Variants in ERMARD observed in about 807,000 individuals in gnomAD.
ERMARD encodes ER membrane associated RNA degradation.
A neutral mutation model predicts 83.9 loss-of-function variants in ERMARD; 71 were observed. The ratio of observed to expected loss-of-function variants is 0.85; its 90% CI spans 0.70 to 1.03. The LOEUF (loss-of-function observed/expected upper bound fraction) is 1.03, where lower values mean the gene tolerates loss of function less well. Among genes scored for constraint, ERMARD ranks in the 50% least tolerant of loss-of-function variants. The pLI is 0.00. For missense variants in ERMARD, 838 were observed against 810.9 expected (o/e 1.03, Z -0.41); for synonymous variants, 284 against 298.6 (o/e 0.95, Z 0.50).
intron 1 of ERMARD, 150 bp downstream of exon 1, chr6:169,751,813 C>A: frequency 1.7e-6 from 2 of 1,186,610 alleles, no homozygotes; most frequent in East Asian, 3.1e-5. Flanking sequence ...GACGTCGCGG[C>A]CCTGGCCTCT....
intron 5 of ERMARD, among the ~76,000 whole-genome samples, chr6:169,757,331 A>G (rs1790941286): frequency 6.6e-6 from 1 of 152,198 alleles, no homozygotes; most frequent in Admixed American, 6.5e-5. Context: ...CCCCTCCTCC[A>G]GCACATAGAA....
intron 15 of ERMARD, 99 bp from the exon 16 acceptor site, chr6:169,776,356 G>A: frequency 6.4e-7 from 1 of 1,555,596 alleles, no homozygotes; most frequent in Admixed American, 1.9e-5. Flanking sequence ...TACGCCGCTA[G>A]CCCTGGCTCC....
At position 169,763,072 on chromosome 6, in the gene ERMARD, C is replaced by T. The variant is rs1270591982; in HGVS notation, c.960+541C>T. Among the ~76,000 whole-genome samples the T allele has an allele frequency of 4.6e-5, 7 of 152,206 alleles. No individual in the cohort carries two copies. In the South Asian group the frequency reaches 6.2e-4, roughly 14 times the overall value. ...TGTCTCAGAGTTCCACATTGACCCC[C>T]GGTCGCCCTGTCTGAGGCAAGCGTC... On this transcript the variant is annotated intron_variant, in intron 9 of 17. Transcript: ENST00000366773.
chr6:169,756,894 GA>G lies in ERMARD; in HGVS notation c.507+87del. The G allele has an allele frequency of 2.4e-6, 3 of 1,257,002 alleles. No individual in the cohort carries two copies. In the South Asian group the frequency reaches 3.8e-5, roughly 16 times the overall value. 77.9% of individuals were successfully genotyped at this position (1,257,002 alleles called of 1,614,324 possible). ...ACATACCCAAGACTAGGAAGAGAAA[GA>G]GGTTTAATTGGACTTACGGTTTCAC... On this transcript the variant is annotated intron_variant, in intron 5 of 17. Transcript: ENST00000366773.
chr6:169,778,830 A>G (rs1762245146), intron 16 of ERMARD, among the ~76,000 whole-genome samples: 1 of 152,236 alleles, frequency 6.6e-6, no homozygotes. Flanking sequence ...TCCTCCCTAG[A>G]TGTCAGAGGG....
rs9478102 is a variant in ERMARD at position 169,756,587 on chromosome 6, T to C, written c.418-132T>C. On this transcript the variant is annotated intron_variant, in intron 4 of 17. Coordinates refer to ENST00000366773, the MANE Select transcript of ERMARD (RefSeq NM_018341.3). ...TTTTTAATATTTCCCTTTTGAATGA[T>C]TATGAAATCAAAGGATTGGTGTCTA... The C allele has an allele frequency of 0.098, 93,067 of 954,002 alleles. 4,931 individuals are homozygous for C. Among genetic ancestry groups the C allele is most frequent in the Middle Eastern group, 0.13 (468 of 3,708 alleles). The allele number at this position is 954,002 out of a possible 1,614,324, so 59.1% of individuals were successfully genotyped here. A position where few individuals can be genotyped will look rare whatever the true frequency, so the allele number is the denominator to read the frequency against.
At chr6:169,751,713 G>A (rs1262756929) in intron 1 of ERMARD, 50 bp downstream of exon 1, 10 of 1,523,166 alleles carry the variant, frequency 6.6e-6, no homozygotes, top group Non-Finnish European at 8.8e-6. Context: ...CAGGGAGTCG[G>A]CGCCAGGCTG....
chr6:169,777,922 T>C (rs150811886), intron 16 of ERMARD, among the ~76,000 whole-genome samples: 2 of 152,366 alleles, frequency 1.3e-5, no homozygotes, highest in African/African-American at 4.8e-5. Context: ...ATTCATTCAT[T>C]TTCCAACCTG....
intron 15 of ERMARD, 80 bp downstream of exon 15, chr6:169,776,145 T>G: frequency 6.3e-7 from 1 of 1,581,088 alleles, no homozygotes; most frequent in Non-Finnish European, 8.6e-7. Context: ...TTTCTATGTT[T>G]TAGATTTTAT....
At position 169,779,216 on chromosome 6, in the gene ERMARD, C is replaced by T. The variant is rs1793929131; in HGVS notation, c.1774C>T (p.Leu592=). 4 of 1,614,144 alleles carry T rather than the reference C, an allele frequency of 2.5e-6. No homozygotes were observed. The highest frequency in any genetic ancestry group is 2.5e-6 in the Non-Finnish European group (3 of 1,180,054). Residue 592 remains leucine (L), a synonymous_variant, in exon 17 of 18, where the codon CTG becomes TTG. Coordinates refer to ENST00000366773, the MANE Select transcript of ERMARD (RefSeq NM_018341.3). ...RLLSPVLSLI[L]LLIALELVNI... ...ACTGTCCCCTGTGCTCAGCCTGATA[C>T]TGTTACTCATTGCGCTGGAGTTGGT...
At chr6:169,751,571 G>A (rs958302650), upstream of ERMARD, 212 of 1,607,626 alleles carry the variant, frequency 1.3e-4, no homozygotes, top group Non-Finnish European at 1.7e-4. Context: ...ACGGTAGGAA[G>A]TGCCCGCCAG....
At chr6:169,779,396 C>T (rs1793953889) in intron 17 of ERMARD, 101 bp downstream of exon 17, 2 of 989,918 alleles carry the variant, frequency 2.0e-6, no homozygotes. Context: ...GACACTATCC[C>T]CTTGGTGGCC....
At chr6:169,751,987 G>T in intron 1 of ERMARD, 1 of 408,906 alleles carries the variant, frequency 2.4e-6, no homozygotes, top group Non-Finnish European at 4.3e-6. Context: ...CCGCAGGTCG[G>T]GCTCTCACCT....
In ERMARD at chr6:169,779,210, C is replaced by T. The variant is rs1414104158; in HGVS notation, c.1768C>T (p.Leu590=). Residue 590 remains leucine (L), a synonymous_variant, in exon 17 of 18, where the codon CTG becomes TTG. Transcript: ENST00000366773. ...CAGACTACTGTCCCCTGTGCTCAGC[C>T]TGATACTGTTACTCATTGCGCTGGA... ...SIRLLSPVLS[L]ILLLIALELV... 40 of 1,614,128 alleles carry T rather than the reference C, an allele frequency of 2.5e-5. No homozygotes were observed. Among genetic ancestry groups the T allele is most frequent in the Non-Finnish European group, 3.4e-5 (40 of 1,180,046 alleles).
At chr6:169,775,894 G>T in intron 14 of ERMARD, 46 bp from the exon 15 acceptor site, 1 of 1,606,310 alleles carries the variant, frequency 6.2e-7, no homozygotes, top group South Asian at 1.1e-5. Flanking sequence ...GCACTGATGT[G>T]AGCACTTTAA....
chr6:169,771,771 C>G (rs550542026), intron 12 of ERMARD: 1 of 152,278 alleles, frequency 6.6e-6, no homozygotes, highest in African/African-American at 2.4e-5. Context: ...CGCGGTGGCT[C>G]ACACCTGTAA....
In ERMARD at chr6:169,759,889, G is replaced by C. The variant is rs763563484; in HGVS notation, c.657G>C (p.Lys219Asn). ...CGGCAGGATTGGGTCAGTTACTGAA[G>C]AGTTACCTTCAAAACACTAAACTTA... ...LLTAGLGQLL[K>N]SYLQNTKLTL... Residue 219 changes from lysine (K) to asparagine (N), a missense_variant, in exon 7 of 18, where the codon AAG becomes AAC. Coordinates refer to ENST00000366773, the MANE Select transcript of ERMARD (RefSeq NM_018341.3). 7.4e-6 allele frequency: 12 copies of C among 1,614,084 alleles called. No individual in the cohort carries two copies. Among genetic ancestry groups the C allele is most frequent in the Non-Finnish European group, 8.5e-6 (10 of 1,180,054 alleles).
At chr6:169,760,005 A>G in intron 7 of ERMARD, 31 bp downstream of exon 7, 1 of 1,613,234 alleles carries the variant, frequency 6.2e-7, no homozygotes, top group Non-Finnish European at 8.5e-7. Context: ...TTTTCCTTAT[A>G]GCTTTGCGTA....
chr6:169,771,122 C>T (rs1288928193), intron 12 of ERMARD: 9 of 145,028 alleles, frequency 6.2e-5, no homozygotes, highest in African/African-American at 7.8e-5. Context: ...CTTGCTCTGT[C>T]GCCCAGGCTG....
Sources: gnomAD v4.1 joint callset for allele counts (sites outside exome capture counted in the v4.1 genomes callset) on GRCh38, gnomAD v4.1.1 for gene constraint, MANE v1.5 for transcripts, NCBI Gene and HGNC (gene_info 2026-07-23, HGNC 2026-07-21) for gene names.